LRRC18: variants seen among roughly 807,000 people sequenced by gnomAD.
The protein encoded by LRRC18 is leucine rich repeat containing 18.
LRRC18 carries 12 observed loss-of-function variants against 11.2 expected under a neutral mutation model. That is an observed-to-expected ratio of 1.07 (90% CI 0.69 to 1.74). The LOEUF (loss-of-function observed/expected upper bound fraction) is 1.74, where lower values mean the gene tolerates loss of function less well. LRRC18 is among the 40% of genes most tolerant of loss of function. The probability of loss-of-function intolerance (pLI) is 0.00; values close to 1 mark genes in which losing one functional copy is unlikely to be tolerated. For missense variants in LRRC18, 374 were observed against 330.5 expected (o/e 1.13, Z -1.02); for synonymous variants, 155 against 130.6 (o/e 1.19, Z -1.27).
the LRRC18 span, among the ~76,000 whole-genome samples, chr10:48,931,092 C>T: frequency 2.1e-5 from 1 of 46,762 alleles, no homozygotes; most frequent in Non-Finnish European, 4.9e-5. Flanking sequence ...CACACTCACA[C>T]TCAAACACAC....
chr10:48,930,693 A>C, the LRRC18 span, among the ~76,000 whole-genome samples: 1 of 152,252 alleles, frequency 6.6e-6, no homozygotes, highest in Non-Finnish European at 1.5e-5. Context: ...AATAGTAAAA[A>C]AAAATTAGAA....
At chr10:48,913,419 A>C (rs377553914) in exon 1 of LRRC18, 1 of 1,611,466 alleles carries the variant, frequency 6.2e-7, no homozygotes, top group South Asian at 1.1e-5. Flanking sequence ...GTCCTTGGCC[A>C]TGGAATTGGG....
intron 1 of LRRC18, among the ~76,000 whole-genome samples, chr10:48,910,483 G>A (rs988805601): frequency 2.0e-5 from 3 of 152,186 alleles, no homozygotes; most frequent in South Asian, 2.1e-4. Flanking sequence ...AGGTGACTGA[G>A]GTATTTTAGA....
the LRRC18 span, among the ~76,000 whole-genome samples, chr10:48,923,286 T>G: frequency 6.6e-6 from 1 of 151,818 alleles, no homozygotes; most frequent in Admixed American, 6.6e-5. Flanking sequence ...AGGGAACAGA[T>G]GTTCGCAAGC....
the LRRC18 span, among the ~76,000 whole-genome samples, chr10:48,939,194 C>G: frequency 1.3e-5 from 2 of 152,210 alleles, no homozygotes; most frequent in Non-Finnish European, 2.9e-5. Context: ...CAGAAGCAGG[C>G]CCCACTCTGC....
the LRRC18 span, among the ~76,000 whole-genome samples, chr10:48,938,918 G>A: frequency 4.6e-5 from 7 of 152,290 alleles, no homozygotes; most frequent in East Asian, 7.7e-4. Context: ...CTGTATGTCC[G>A]CCTGTGCTAG....
At chr10:48,936,915 A>T in the LRRC18 span, among the ~76,000 whole-genome samples, 2,686 of 142,784 alleles carry the variant, frequency 0.019, 72 homozygotes, top group African/African-American at 0.061. Flanking sequence ...TGTATTGTAT[A>T]AACTTCAGGT....
At chr10:48,914,799 A>G (rs917219533), upstream of LRRC18, among the ~76,000 whole-genome samples, 6 of 152,218 alleles carry the variant, frequency 3.9e-5, no homozygotes, top group African/African-American at 1.4e-4. Context: ...CCTGTTGCTC[A>G]GCCCAGGGAT....
chr10:48,916,768 C>T (rs939031689), upstream of LRRC18, among the ~76,000 whole-genome samples: 10 of 152,188 alleles, frequency 6.6e-5, no homozygotes, highest in Middle Eastern at 3.4e-3. Flanking sequence ...GAGGTGATTT[C>T]TTCATTGTGT....
At chr10:48,917,877 T>C (rs1838693273), upstream of LRRC18, among the ~76,000 whole-genome samples, 1 of 152,150 alleles carries the variant, frequency 6.6e-6, no homozygotes, top group South Asian at 2.1e-4. Flanking sequence ...ATGTATGTGA[T>C]CGAAAGAAAA....
intron 1 of LRRC18, among the ~76,000 whole-genome samples, chr10:48,911,122 T>A (rs1263146079): frequency 6.6e-6 from 1 of 152,222 alleles, no homozygotes; most frequent in East Asian, 1.9e-4. Context: ...CTTATGGATA[T>A]GTCCAAGACC....
At chr10:48,932,861 A>C in the LRRC18 span, among the ~76,000 whole-genome samples, 6 of 152,268 alleles carry the variant, frequency 3.9e-5, no homozygotes, top group East Asian at 1.2e-3. Context: ...TGCTAAGAAG[A>C]AGCCACATGG....
chr10:48,938,511 G>A, the LRRC18 span, among the ~76,000 whole-genome samples: 11 of 152,260 alleles, frequency 7.2e-5, no homozygotes, highest in Non-Finnish European at 1.3e-4. Context: ...CTTGGAACAT[G>A]CCTCTGGCTC....
the LRRC18 span, among the ~76,000 whole-genome samples, chr10:48,936,961 C>A: frequency 2.0e-5 from 3 of 151,946 alleles, no homozygotes; most frequent in African/African-American, 7.2e-5. Flanking sequence ...CTCTTGTCAC[C>A]CAGGCTGGAG....
the LRRC18 span, among the ~76,000 whole-genome samples, chr10:48,934,270 A>T: frequency 6.6e-6 from 1 of 152,172 alleles, no homozygotes; most frequent in African/African-American, 2.4e-5. Context: ...CAAAGACACT[A>T]CCTACTTTTT....
chr10:48,938,996 C>T, the LRRC18 span, among the ~76,000 whole-genome samples: 1 of 152,200 alleles, frequency 6.6e-6, no homozygotes, highest in Non-Finnish European at 1.5e-5. Context: ...TTCTGTTCTT[C>T]TCTGCTCCAC....
At chr10:48,916,643 C>T (rs1005535738), upstream of LRRC18, among the ~76,000 whole-genome samples, 3 of 152,132 alleles carry the variant, frequency 2.0e-5, no homozygotes, top group Non-Finnish European at 1.5e-5. Flanking sequence ...AGAAGAGATG[C>T]TCCTGGGAGC....
upstream of LRRC18, among the ~76,000 whole-genome samples, chr10:48,918,128 A>G (rs1180242737): frequency 6.6e-6 from 1 of 152,224 alleles, no homozygotes; most frequent in Non-Finnish European, 1.5e-5. Context: ...AAATGAGAAT[A>G]AAACAGTTTA....
At chr10:48,918,847 A>ATAGC (rs562769731), upstream of LRRC18, among the ~76,000 whole-genome samples, 4 of 152,206 alleles carry the variant, frequency 2.6e-5, no homozygotes, top group South Asian at 4.1e-4. Flanking sequence ...CTGGTTGCCA[A>ATAGC]TAGCTGCCCA....
Sources: gnomAD v4.1 joint callset for allele counts (sites outside exome capture counted in the v4.1 genomes callset) on GRCh38, gnomAD v4.1.1 for gene constraint, MANE v1.5 for transcripts, NCBI Gene and HGNC (gene_info 2026-07-23, HGNC 2026-07-21) for gene names.